Variants in KCNIP4 observed in about 807,000 individuals in gnomAD.
KCNIP4 encodes Kv channel-interacting protein 4.
In KCNIP4, 12 loss-of-function variants were observed where a neutral mutation model predicts 34.0. The ratio of observed to expected loss-of-function variants is 0.35; its 90% CI spans 0.23 to 0.57. The LOEUF (loss-of-function observed/expected upper bound fraction) is 0.57, where lower values mean the gene tolerates loss of function less well. Among genes scored for constraint, KCNIP4 ranks in the 20% least tolerant of loss-of-function variants. The pLI, the probability that KCNIP4 is intolerant of heterozygous loss-of-function variation, is 0.83. For missense variants in KCNIP4, 238 were observed against 311.7 expected, an observed-to-expected ratio of 0.76 and a Z score of 1.78; for synonymous variants, 124 against 102.2, an observed-to-expected ratio of 1.21 and a Z score of -1.29.
chr4:21,856,056 T>C (rs947680057), intron 1 of KCNIP4, among the ~76,000 whole-genome samples: 4 of 152,232 alleles, frequency 2.6e-5, no homozygotes, highest in Non-Finnish European at 5.9e-5. Context: ...GACTAGTAGC[T>C]GCCTCATAAG....
At chr4:21,783,277 A>T (rs1180894091) in intron 1 of KCNIP4, among the ~76,000 whole-genome samples, 3 of 152,214 alleles carry the variant, frequency 2.0e-5, no homozygotes, top group Admixed American at 2.0e-4. Flanking sequence ...TTCATTTATA[A>T]TGTATTCAAA....
chr4:20,870,123 A>G (rs1330948800), intron 2 of KCNIP4, among the ~76,000 whole-genome samples: 1 of 152,094 alleles, frequency 6.6e-6, no homozygotes. Context: ...AAACTGTCCA[A>G]AGACACAGAG....
At chr4:21,363,380 C>A (rs1489110466) in intron 1 of KCNIP4, among the ~76,000 whole-genome samples, 1 of 152,106 alleles carries the variant, frequency 6.6e-6, no homozygotes, top group East Asian at 1.9e-4. Context: ...CACTCAAAAC[C>A]TTTACCTAGC....
chr4:20,763,005 A>G (rs558064735), intron 3 of KCNIP4, among the ~76,000 whole-genome samples: 1 of 152,266 alleles, frequency 6.6e-6, no homozygotes, highest in East Asian at 1.9e-4. Flanking sequence ...TAAAACCATC[A>G]TAACTCATGA....
intron 1 of KCNIP4, among the ~76,000 whole-genome samples, chr4:21,263,312 T>C (rs1761591628): frequency 6.6e-6 from 1 of 152,214 alleles, no homozygotes; most frequent in Non-Finnish European, 1.5e-5. Flanking sequence ...AAACTAATAT[T>C]CAGAGCTAAG....
At chr4:20,899,605 G>T (rs1469875532) in intron 1 of KCNIP4, among the ~76,000 whole-genome samples, 1 of 152,036 alleles carries the variant, frequency 6.6e-6, no homozygotes, top group Non-Finnish European at 1.5e-5. Flanking sequence ...TTTGAAATAG[G>T]ACCCTATAAA....
chr4:21,462,397 C>A (rs6842721), intron 1 of KCNIP4, among the ~76,000 whole-genome samples: 2 of 152,048 alleles, frequency 1.3e-5, no homozygotes, highest in East Asian at 1.9e-4. Flanking sequence ...GGAAAACTCC[C>A]TCTTATAATA....
At chr4:21,760,307 G>A (rs879306932) in intron 1 of KCNIP4, among the ~76,000 whole-genome samples, 24 of 152,024 alleles carry the variant, frequency 1.6e-4, no homozygotes, top group Non-Finnish European at 2.8e-4. Context: ...AATAAAGCAT[G>A]TCAGCACAAG....
At chr4:21,043,812 A>G (rs1742175083) in intron 1 of KCNIP4, among the ~76,000 whole-genome samples, 1 of 152,182 alleles carries the variant, frequency 6.6e-6, no homozygotes, top group African/African-American at 2.4e-5. Context: ...CTTAATCCTC[A>G]TATGATGTGA....
At chr4:21,258,441 T>G (rs1045177452) in intron 1 of KCNIP4, among the ~76,000 whole-genome samples, 2 of 152,158 alleles carry the variant, frequency 1.3e-5, no homozygotes, top group Non-Finnish European at 2.9e-5. Context: ...GACCTTTTCT[T>G]TAATTGGACA....
chr4:21,615,312 G>C (rs1009620157), intron 1 of KCNIP4, among the ~76,000 whole-genome samples: 1 of 151,862 alleles, frequency 6.6e-6, no homozygotes, highest in South Asian at 2.1e-4. Context: ...AGGCTGAGGC[G>C]GGCGGATCAC....
At chr4:20,739,791 T>G (rs937048475) in intron 5 of KCNIP4, among the ~76,000 whole-genome samples, 2 of 151,922 alleles carry the variant, frequency 1.3e-5, no homozygotes, top group Admixed American at 6.6e-5. Context: ...ATAACAAACT[T>G]CTCCGAACTA....
chr4:20,902,688 T>G (rs2149554265), intron 1 of KCNIP4, among the ~76,000 whole-genome samples: 1 of 152,032 alleles, frequency 6.6e-6, no homozygotes, highest in Non-Finnish European at 1.5e-5. Context: ...CCGGGCTAAT[T>G]TGTGTATTTT....
chr4:21,028,568 G>A (rs913263864), intron 1 of KCNIP4, among the ~76,000 whole-genome samples: 1 of 152,132 alleles, frequency 6.6e-6, no homozygotes, highest in Non-Finnish European at 1.5e-5. Flanking sequence ...TAGTGAGATG[G>A]TTGCAGGTAA....
chr4:21,352,804 G>A (rs913637242), intron 1 of KCNIP4, among the ~76,000 whole-genome samples: 1 of 152,200 alleles, frequency 6.6e-6, no homozygotes, highest in Non-Finnish European at 1.5e-5. Context: ...TGAGCTCTGA[G>A]AACAGACTGC....
chr4:21,617,895 A>G (rs1481940799), intron 1 of KCNIP4, among the ~76,000 whole-genome samples: 1 of 152,208 alleles, frequency 6.6e-6, no homozygotes, highest in African/African-American at 2.4e-5. Flanking sequence ...CAAAAAGGTT[A>G]CTTGTTCTTT....
intron 1 of KCNIP4, among the ~76,000 whole-genome samples, chr4:21,561,457 T>C (rs959883853): frequency 6.6e-6 from 1 of 152,000 alleles, no homozygotes; most frequent in South Asian, 2.1e-4. Flanking sequence ...CTCTGTTTGA[T>C]CATTTAAGGC....
chr4:20,913,644 T>A (rs1250866352), intron 1 of KCNIP4, among the ~76,000 whole-genome samples: 1 of 152,200 alleles, frequency 6.6e-6, no homozygotes, highest in Non-Finnish European at 1.5e-5. Flanking sequence ...CCAATTACAC[T>A]ACTGCAGCTC....
rs1747299740 is a variant in KCNIP4, at chr4:20,729,505, T to TAAAAATGCCAGATAAAA, written c.*560_*576dup. On this transcript the variant is annotated 3_prime_UTR_variant, in exon 9 of 9. Coordinates refer to ENST00000382152, the MANE Select transcript of KCNIP4 (RefSeq NM_025221.6). ...AAATGTTTAATAATTTTTAAATGTTTAAAAATGCCAGATAAAACTAATTTC... is the reference window on the plus strand; with the variant it reads ...AAATGTTTAATAATTTTTAAATGTTTAAAAATGCCAGATAAAAAAAAATGCCAGATAAAACTAATTTC... 2 of 148,758 alleles carry TAAAAATGCCAGATAAAA rather than the reference T, an allele frequency of 1.3e-5. No homozygotes were observed. Among genetic ancestry groups the TAAAAATGCCAGATAAAA allele is most frequent in the Admixed American group, 6.7e-5 (1 of 14,994 alleles). 9.2% of individuals were successfully genotyped at this position (148,758 alleles called of 1,614,324 possible). A position where few individuals can be genotyped will look rare whatever the true frequency, so the allele number is the denominator to read the frequency against.
Sources: gnomAD v4.1 joint callset for allele counts (sites outside exome capture counted in the v4.1 genomes callset) on GRCh38, gnomAD v4.1.1 for gene constraint, MANE v1.5 for transcripts, NCBI Gene and HGNC (gene_info 2026-07-23, HGNC 2026-07-21) for gene names.